The following ZFPM1 variants were observed in gnomAD, a reference collection of about 807,000 sequenced individuals.
ZFPM1 encodes zinc finger protein, FOG family member 1.
ZFPM1 carries 28 observed loss-of-function variants against 46.3 expected under a neutral mutation model. The ratio of observed to expected loss-of-function variants is 0.60; its 90% CI spans 0.45 to 0.83. The LOEUF is 0.83. Among genes scored for constraint, ZFPM1 ranks in the 40% least tolerant of loss-of-function variants. The pLI is 0.00. For missense variants in ZFPM1, 1,878 were observed against 1,432.4 expected, an observed-to-expected ratio of 1.31 and a Z score of -5.02; for synonymous variants, 957 against 675.9, an observed-to-expected ratio of 1.42 and a Z score of -6.45.
chr16:88,474,784 C>T (rs780451445), intron 1 of ZFPM1, among the ~76,000 whole-genome samples: 2 of 152,244 alleles, frequency 1.3e-5, no homozygotes, highest in Non-Finnish European at 2.9e-5. Context: ...CCGCTCTTAA[C>T]GCCCCTGCTG....
intron 1 of ZFPM1, among the ~76,000 whole-genome samples, chr16:88,470,369 A>C (rs1213992469): frequency 6.6e-6 from 1 of 152,222 alleles, no homozygotes; most frequent in African/African-American, 2.4e-5. Flanking sequence ...GGCATGGTCC[A>C]GGGACCCCAG....
rs978524547 is a variant in ZFPM1 at position 88,456,273 on chromosome 16, CG to C, written c.40+2596del. On this transcript the variant is annotated intron_variant, in intron 1 of 9. Coordinates refer to ENST00000319555, the MANE Select transcript of ZFPM1 (RefSeq NM_153813.3). The stretch of plus-strand genomic sequence containing the variant: ...CCGCCCCGAGTCCTCGTAGATGGTG[CG>C]AGACCGCTAGAGGTGGGTTTGTCAC... Among the ~76,000 whole-genome samples the C allele has an allele frequency of 2.2e-4, 33 of 152,190 alleles. 1 individual carries two copies. Among genetic ancestry groups the C allele is most frequent in the Non-Finnish European group, 4.4e-5 (3 of 68,030 alleles).
chr16:88,530,634 G>A (rs894981685), intron 6 of ZFPM1: 1 of 152,310 alleles, frequency 6.6e-6, no homozygotes, highest in Admixed American at 6.5e-5. Flanking sequence ...CAGGCCACCA[G>A]ATTTGGCCTG....
At chr16:88,484,350 C>A (rs1025479345) in intron 1 of ZFPM1, among the ~76,000 whole-genome samples, 21 of 152,348 alleles carry the variant, frequency 1.4e-4, no homozygotes, top group Non-Finnish European at 7.3e-5. Context: ...GGCGCTCAGC[C>A]CTCAGGAGGT....
At chr16:88,521,182 G>A (rs1390438039) in intron 4 of ZFPM1, among the ~76,000 whole-genome samples, 1 of 151,642 alleles carries the variant, frequency 6.6e-6, no homozygotes, top group African/African-American at 2.4e-5. Flanking sequence ...CCTCCCCCAT[G>A]CCGTTCCCTC....
intron 3 of ZFPM1, among the ~76,000 whole-genome samples, chr16:88,512,660 C>T (rs1054425112): frequency 2.0e-5 from 3 of 152,176 alleles, no homozygotes; most frequent in Admixed American, 6.5e-5. Context: ...TCCCTGTGGC[C>T]CCAGCCCTGA....
Position 88,534,983 on chromosome 16 carries a change from C to A in ZFPM1, c.*4C>A. ...CGCCGCCGAGCACGTGAAGTGAGCG[C>A]CCACACTACAGCCGCAGACGCTTTG... On this transcript the variant is annotated 3_prime_UTR_variant, in exon 10 of 10. Coordinates refer to ENST00000319555, the MANE Select transcript of ZFPM1 (RefSeq NM_153813.3). 1 of 1,421,542 alleles carries A rather than the reference C, an allele frequency of 7.0e-7. No individual in the cohort carries two copies. Among genetic ancestry groups the A allele is most frequent in the Non-Finnish European group, 9.3e-7 (1 of 1,072,734 alleles). The allele number at this position is 1,421,542 out of a possible 1,614,324, so 88.1% of individuals were successfully genotyped here.
Position 88,453,474 on chromosome 16 carries a change from C to T in ZFPM1, c.-165C>T, listed in dbSNP as rs1907378170. On this transcript the variant is annotated 5_prime_UTR_variant, in exon 1 of 10. Transcript: ENST00000319555. The stretch of plus-strand genomic sequence containing the variant: ...TCTCGGGCCTCCGCGGCAGCTCCAG[C>T]GGCTCCGGGGCTGGGCGCGCGGGCT... 2.1e-5 allele frequency: 4 copies of T among 187,604 alleles called. No homozygotes were observed. Among genetic ancestry groups the T allele is most frequent in the African/African-American group, 7.3e-5 (3 of 40,846 alleles). The allele number at this position is 187,604 out of a possible 1,614,324, so 11.6% of individuals were successfully genotyped here.
At position 88,533,227 on chromosome 16, in the gene ZFPM1, C is replaced by G. The variant is rs1413134610; in HGVS notation, c.1269C>G (p.Thr423=). The change falls in exon 10 of 10, where the codon ACC becomes ACG. Residue 423 remains threonine (T), a synonymous_variant. Coordinates refer to ENST00000319555, the MANE Select transcript of ZFPM1 (RefSeq NM_153813.3). ...CCGCGGACCTGGGCCTGGCGCCCAC[C>G]CCATCGCCAGGACTGGACAGAAAGG... ...LASADLGLAP[T]PSPGLDRKAL... is the part of the protein sequence containing the mutation. 4 of 1,562,770 alleles carry G rather than the reference C, an allele frequency of 2.6e-6. No individual in the cohort carries two copies. The highest frequency in any genetic ancestry group is 3.4e-6 in the Non-Finnish European group (4 of 1,162,136).
At chr16:88,502,064 CCATTTATTTATTTATTTATTT>C in intron 3 of ZFPM1, among the ~76,000 whole-genome samples, 1 of 127,386 alleles carries the variant, frequency 7.9e-6, no homozygotes, top group South Asian at 2.7e-4. Flanking sequence ...CCGCCCCCCC[CCATTTATTTATTTATTTATTT>C]ATTTATTTAT....
Position 88,534,123 on chromosome 16 carries a change from G to C in ZFPM1, c.2165G>C (p.Gly722Ala). ...CCGCGCCGACCGGCCGCGCCCCCGG[G>C]ACCCCCTGGGCCGGCCGCGCCCCCG... ...PPPRRPAAPP[G>A]PPGPAAPPAP... The change falls in exon 10 of 10, where the codon GGA (glycine) becomes GCA (alanine). Residue 722 changes from glycine to alanine, a missense_variant. Transcript: ENST00000319555. 3 of 1,098,742 alleles carry C rather than the reference G, an allele frequency of 2.7e-6. No homozygotes were observed. Among genetic ancestry groups the C allele is most frequent in the Non-Finnish European group, 3.4e-6 (3 of 885,844 alleles). 68.1% of individuals were successfully genotyped at this position (1,098,742 alleles called of 1,614,324 possible).
At chr16:88,494,557 G>C (rs900219076) in intron 3 of ZFPM1, among the ~76,000 whole-genome samples, 1 of 152,194 alleles carries the variant, frequency 6.6e-6, no homozygotes, top group Admixed American at 6.5e-5. Context: ...GGGAAACAGG[G>C]AGGGGGCTGA....
Position 88,532,188 on chromosome 16 carries a change from G to A in ZFPM1, c.899G>A (p.Ser300Asn). Residue 300 changes from serine (S) to asparagine (N), a missense_variant, in exon 7 of 10, where the codon AGC (serine) becomes AAC (asparagine). Physicochemically the swap from Ser to Asn is conservative, Grantham distance 46. Coordinates refer to ENST00000319555, the MANE Select transcript of ZFPM1 (RefSeq NM_153813.3). The part of the protein sequence containing the change: ...RVCPFPQCRK[S>N]CPSASSLEIH... ...TGCCCCTTCCCCCAGTGCCGCAAGA[G>A]CTGCCCCAGCGCCAGCTCCCTGGAG... 2 of 1,610,832 alleles carry A rather than the reference G, an allele frequency of 1.2e-6. No homozygotes were observed. Among genetic ancestry groups the A allele is most frequent in the Non-Finnish European group, 1.7e-6 (2 of 1,178,474 alleles).
chr16:88,454,936 G>C (rs914549586), intron 1 of ZFPM1, among the ~76,000 whole-genome samples: 3 of 152,182 alleles, frequency 2.0e-5, no homozygotes, highest in Admixed American at 2.0e-4. Flanking sequence ...CTACTCAGGA[G>C]GTCTCCCGAG....
intron 2 of ZFPM1, among the ~76,000 whole-genome samples, chr16:88,487,126 C>A (rs1204051552): frequency 6.6e-6 from 1 of 152,208 alleles, no homozygotes; most frequent in Non-Finnish European, 1.5e-5. Flanking sequence ...ATAAGGAGGC[C>A]TGCTGGAGCC....
chr16:88,489,656 G>T (rs182290172), intron 3 of ZFPM1, among the ~76,000 whole-genome samples: 1 of 152,216 alleles, frequency 6.6e-6, no homozygotes, highest in Non-Finnish European at 1.5e-5. Context: ...CACATACCCC[G>T]CGGGGCCTGG....
At position 88,477,170 on chromosome 16, in the gene ZFPM1, A is replaced by T. The variant is rs533286866; in HGVS notation, c.41-8769A>T. On this transcript the variant is annotated intron_variant, in intron 1 of 9. Transcript: ENST00000319555. ...CCACAGGAGAGGAGAGGAGGGAGAGAAGCGGGCACAGTTCACATGAGTGCC... is the reference window on the plus strand; with the variant it reads ...CCACAGGAGAGGAGAGGAGGGAGAGTAGCGGGCACAGTTCACATGAGTGCC... Among the ~76,000 whole-genome samples, 38 of 152,320 alleles carry T rather than the reference A, an allele frequency of 2.5e-4. 1 individual carries two copies. The South Asian group carries it at 7.9e-3, about 32-fold the overall frequency.
chr16:88,453,022 G>C (rs368555302), upstream of ZFPM1, among the ~76,000 whole-genome samples: 8 of 151,830 alleles, frequency 5.3e-5, no homozygotes, highest in East Asian at 9.7e-4. Context: ...AGGCCCAGAC[G>C]GACAGGGGCG....
At chr16:88,474,814 G>A (rs1043290673) in intron 1 of ZFPM1, among the ~76,000 whole-genome samples, 12 of 152,206 alleles carry the variant, frequency 7.9e-5, no homozygotes, top group Admixed American at 7.2e-4. Flanking sequence ...CAGGGCTGTC[G>A]GGAACCCGCA....
Sources: allele counts gnomAD v4.1 joint callset (sites outside exome capture counted in the v4.1 genomes callset), GRCh38; gene constraint gnomAD v4.1.1; transcripts MANE v1.5; gene names NCBI Gene and HGNC (gene_info 2026-07-23, HGNC 2026-07-21).